PTPRR: variants seen among roughly 807,000 people sequenced by gnomAD.
The protein encoded by PTPRR is receptor-type tyrosine-protein phosphatase R.
Under a neutral mutation model 77.2 loss-of-function variants are expected in PTPRR, and 38 were observed. The ratio of observed to expected loss-of-function variants is 0.49; its 90% CI spans 0.38 to 0.65. The LOEUF (loss-of-function observed/expected upper bound fraction) is 0.65. Ranked by LOEUF, PTPRR falls within the 30% of genes least tolerant of loss-of-function variation. The pLI is 0.00. For synonymous variants in PTPRR, 299 were observed against 283.1 expected (o/e 1.06, Z -0.57); for missense variants, 744 against 799.2 (o/e 0.93, Z 0.83).
intron 2 of PTPRR, among the ~76,000 whole-genome samples, chr12:70,818,235 CA>C (rs34025995): frequency 0.042 from 2,871 of 68,648 alleles, 43 homozygotes; most frequent in African/African-American, 0.096. Flanking sequence ...AACTCCGTCT[CA>C]AAAAAAAAAA....
intron 1 of PTPRR, among the ~76,000 whole-genome samples, chr12:70,908,622 G>A (rs1003358037): frequency 1.3e-5 from 2 of 152,262 alleles, no homozygotes; most frequent in Admixed American, 6.5e-5. Context: ...GGGATTATGA[G>A]AACTACAATT....
intron 6 of PTPRR, among the ~76,000 whole-genome samples, chr12:70,742,326 T>C (rs549701369): frequency 3.9e-5 from 6 of 152,290 alleles, no homozygotes; most frequent in African/African-American, 1.2e-4. Flanking sequence ...AAAAATAAAA[T>C]TGCATTTCTT....
Position 70,838,245 on chromosome 12 carries a change from G to A in PTPRR, c.357+54434C>T, listed in dbSNP as rs79080364. ...ATTGAGGGTTGAGTCCTCAAGACTCGCCCACCTCACTACATTAGGATAGAT... is the reference window on the plus strand; with the variant it reads ...ATTGAGGGTTGAGTCCTCAAGACTCACCCACCTCACTACATTAGGATAGAT... On this transcript the variant is annotated intron_variant, in intron 2 of 13. Coordinates refer to ENST00000283228, the MANE Select transcript of PTPRR (RefSeq NM_002849.4). Among the ~76,000 whole-genome samples, 105 of 152,152 alleles carry A rather than the reference G, an allele frequency of 6.9e-4. 1 individual carries two copies. The highest frequency in any genetic ancestry group is 9.3e-4 in the Non-Finnish European group (63 of 68,002).
intron 10 of PTPRR, among the ~76,000 whole-genome samples, chr12:70,670,428 T>C (rs1201156179): frequency 6.6e-6 from 1 of 152,244 alleles, no homozygotes; most frequent in East Asian, 1.9e-4. Context: ...GCTCTCATTC[T>C]CTCTGAGCTT....
chr12:70,831,202 A>C (rs1157119791), intron 2 of PTPRR, among the ~76,000 whole-genome samples: 1 of 152,214 alleles, frequency 6.6e-6, no homozygotes. Context: ...TTGAACAACA[A>C]AAAAACTCAT....
At chr12:70,806,675 C>A (rs1021388242) in intron 2 of PTPRR, among the ~76,000 whole-genome samples, 5 of 152,168 alleles carry the variant, frequency 3.3e-5, no homozygotes, top group African/African-American at 1.2e-4. Context: ...CTCAGACATG[C>A]CGTGCCATTT....
intron 8 of PTPRR, among the ~76,000 whole-genome samples, chr12:70,685,585 G>T (rs868486110): frequency 6.6e-6 from 1 of 151,908 alleles, no homozygotes; most frequent in African/African-American, 2.4e-5. Flanking sequence ...GAAAGGCCAA[G>T]GTTGCAGTGA....
At chr12:70,678,599 C>A (rs1173784578) in intron 10 of PTPRR, among the ~76,000 whole-genome samples, 1 of 151,922 alleles carries the variant, frequency 6.6e-6, no homozygotes, top group Non-Finnish European at 1.5e-5. Context: ...ATTTTTCTGT[C>A]TGTATTTCAT....
At chr12:70,895,128 G>A (rs74102046) in intron 1 of PTPRR, among the ~76,000 whole-genome samples, 4,801 of 151,638 alleles carry the variant, frequency 0.032, 248 homozygotes, top group African/African-American at 0.11. Flanking sequence ...GATGTAAGAC[G>A]TATATGTTGG....
At chr12:70,662,853 G>A (rs1012627055) in intron 10 of PTPRR, among the ~76,000 whole-genome samples, 6 of 151,108 alleles carry the variant, frequency 4.0e-5, no homozygotes, top group Non-Finnish European at 7.4e-5. Context: ...ATTAAACACT[G>A]TCACTGCTGG....
At chr12:70,668,610 G>T (rs1473699613) in intron 10 of PTPRR, among the ~76,000 whole-genome samples, 1 of 151,966 alleles carries the variant, frequency 6.6e-6, no homozygotes, top group Non-Finnish European at 1.5e-5. Flanking sequence ...TTTCTTATTA[G>T]TATCTTACCA....
intron 13 of PTPRR, among the ~76,000 whole-genome samples, chr12:70,655,915 A>C (rs765386160): frequency 6.6e-6 from 1 of 152,202 alleles, no homozygotes; most frequent in Non-Finnish European, 1.5e-5. Flanking sequence ...AAAAGGATTA[A>C]AAAATAACTT....
chr12:70,887,036 G>GT (rs1893251332), intron 2 of PTPRR, among the ~76,000 whole-genome samples: 1 of 152,240 alleles, frequency 6.6e-6, no homozygotes, highest in Non-Finnish European at 1.5e-5. Context: ...CTGGCTAGGT[G>GT]TAAGACAGTG....
intron 2 of PTPRR, among the ~76,000 whole-genome samples, chr12:70,822,543 G>A (rs1892033743): frequency 6.6e-6 from 1 of 152,178 alleles, no homozygotes; most frequent in Admixed American, 6.5e-5. Context: ...TCAGACACAT[G>A]GTGGGGAAGC....
intron 13 of PTPRR, among the ~76,000 whole-genome samples, chr12:70,641,492 A>G (rs1397239964): frequency 1.3e-5 from 2 of 152,196 alleles, no homozygotes; most frequent in East Asian, 3.8e-4. Context: ...TATATTTACT[A>G]TGACATTCTG....
chr12:70,703,284 G>A (rs1194574335), intron 6 of PTPRR, among the ~76,000 whole-genome samples: 1 of 151,996 alleles, frequency 6.6e-6, no homozygotes, highest in Non-Finnish European at 1.5e-5. Context: ...ATGTTTTGGG[G>A]GGTATGTTTC....
intron 2 of PTPRR, among the ~76,000 whole-genome samples, chr12:70,796,430 C>G (rs994612365): frequency 6.6e-6 from 1 of 151,962 alleles, no homozygotes; most frequent in Non-Finnish European, 1.5e-5. Flanking sequence ...CAATTAGCAC[C>G]TTTAAGACAA....
chr12:70,843,514 C>T (rs1233942419), intron 2 of PTPRR, among the ~76,000 whole-genome samples: 1 of 152,120 alleles, frequency 6.6e-6, no homozygotes, highest in Non-Finnish European at 1.5e-5. Context: ...AATGAACTCT[C>T]CAATTGCTCT....
At chr12:70,764,860 T>G in intron 2 of PTPRR, 82 bp from the exon 3 acceptor site, 3 of 1,029,206 alleles carry the variant, frequency 2.9e-6, no homozygotes, top group Non-Finnish European at 4.4e-6. Flanking sequence ...TAAGTATTAA[T>G]AAGTTCACGA....
Sources: gnomAD v4.1 joint callset for allele counts (sites outside exome capture counted in the v4.1 genomes callset) on GRCh38, gnomAD v4.1.1 for gene constraint, MANE v1.5 for transcripts, NCBI Gene and HGNC (gene_info 2026-07-23, HGNC 2026-07-21) for gene names.